The following THSD7B variants were observed in gnomAD, a reference collection of about 807,000 sequenced individuals.
The protein encoded by THSD7B is thrombospondin type-1 domain-containing protein 7B.
A neutral mutation model predicts 213.6 loss-of-function variants in THSD7B; 138 were observed. The observed-to-expected ratio is 0.65, with a 90% CI of 0.56 to 0.74. THSD7B has a LOEUF of 0.74. Among genes scored for constraint, THSD7B ranks in the 30% least tolerant of loss-of-function variants. The pLI is 0.00. For missense variants in THSD7B, 1,931 were observed against 1,991.5 expected, an observed-to-expected ratio of 0.97 and a Z score of 0.58; for synonymous variants, 742 against 687.0, an observed-to-expected ratio of 1.08 and a Z score of -1.25.
At chr2:136,914,221 C>T (rs1302372550) in intron 2 of THSD7B, among the ~76,000 whole-genome samples, 1 of 152,158 alleles carries the variant, frequency 6.6e-6, no homozygotes, top group African/African-American at 2.4e-5. Flanking sequence ...TTTGTTTTGG[C>T]CAATTTCTCC....
chr2:137,561,342 C>T (rs1444261399), intron 15 of THSD7B, among the ~76,000 whole-genome samples: 4 of 152,102 alleles, frequency 2.6e-5, no homozygotes, highest in Admixed American at 6.5e-5. Flanking sequence ...AATCTAAGTT[C>T]TACTTAGTAT....
intron 1 of THSD7B, among the ~76,000 whole-genome samples, chr2:136,873,050 A>AAAT (rs1683465766): frequency 7.5e-6 from 1 of 133,642 alleles, no homozygotes. Flanking sequence ...AAAAAAGAAG[A>AAAT]AAGGGAGAAT....
At chr2:137,090,704 A>T (rs2104914306) in intron 3 of THSD7B, among the ~76,000 whole-genome samples, 1 of 152,334 alleles carries the variant, frequency 6.6e-6, no homozygotes, top group Non-Finnish European at 1.5e-5. Context: ...CATTAAGAAG[A>T]TACATGATTT....
intron 1 of THSD7B, among the ~76,000 whole-genome samples, chr2:136,878,371 T>A (rs868800615): frequency 1.3e-5 from 2 of 152,220 alleles, no homozygotes; most frequent in African/African-American, 4.8e-5. Flanking sequence ...AGTGCCACAA[T>A]AAACATACGT....
intron 12 of THSD7B, among the ~76,000 whole-genome samples, chr2:137,297,906 G>C (rs971495294): frequency 6.6e-6 from 1 of 152,084 alleles, no homozygotes; most frequent in Non-Finnish European, 1.5e-5. Flanking sequence ...GCCCAGTCTT[G>C]GATATGTCTT....
At chr2:136,833,697 C>T (rs937666827) in intron 1 of THSD7B, among the ~76,000 whole-genome samples, 1 of 152,008 alleles carries the variant, frequency 6.6e-6, no homozygotes, top group African/African-American at 2.4e-5. Context: ...TTCACTCAGG[C>T]AAAGTGCAAA....
chr2:137,315,240 G>A (rs1231362493), intron 12 of THSD7B, among the ~76,000 whole-genome samples: 11 of 152,184 alleles, frequency 7.2e-5, no homozygotes, highest in African/African-American at 1.4e-4. Flanking sequence ...TCAGAAAAGC[G>A]CAGTATTCGG....
At chr2:137,464,655 A>G (rs1687956568) in intron 15 of THSD7B, among the ~76,000 whole-genome samples, 1 of 152,068 alleles carries the variant, frequency 6.6e-6, no homozygotes, top group Non-Finnish European at 1.5e-5. Flanking sequence ...AGAAATACAG[A>G]TTCCAGTAGT....
intron 2 of THSD7B, 41 bp downstream of exon 2, chr2:136,882,358 A>G: frequency 7.0e-7 from 1 of 1,434,178 alleles, no homozygotes; most frequent in South Asian, 1.5e-5. Flanking sequence ...ATTTTCATTA[A>G]CAGGAAGAAT....
chr2:136,802,639 T>TTATATATATATATATATATATA, intron 1 of THSD7B, among the ~76,000 whole-genome samples: 1 of 57,382 alleles, frequency 1.7e-5, no homozygotes, highest in South Asian at 6.2e-4. Context: ...TGAATTAAGT[T>TTATATATATATATATATATATA]TATATATATA....
intron 17 of THSD7B, among the ~76,000 whole-genome samples, chr2:137,610,761 A>T: frequency 6.7e-6 from 1 of 150,026 alleles, no homozygotes; most frequent in South Asian, 2.1e-4. Flanking sequence ...TAAGAATCAC[A>T]TTTTTTTTTG....
At chr2:136,804,399 A>T (rs1682246627) in intron 1 of THSD7B, among the ~76,000 whole-genome samples, 1 of 102,454 alleles carries the variant, frequency 9.8e-6, no homozygotes, top group South Asian at 3.9e-4. Context: ...ATACACACAC[A>T]CATAACACAC....
chr2:137,627,063 A>G (rs1682645338), intron 20 of THSD7B, among the ~76,000 whole-genome samples: 2 of 152,194 alleles, frequency 1.3e-5, no homozygotes, highest in South Asian at 4.1e-4. Context: ...GCTTCAACTC[A>G]TGACAGAAAG....
intron 1 of THSD7B, among the ~76,000 whole-genome samples, chr2:136,841,361 T>A (rs1341198488): frequency 6.6e-6 from 1 of 151,916 alleles, no homozygotes; most frequent in Non-Finnish European, 1.5e-5. Context: ...TTTGGGAGGC[T>A]GAGGCAGGCG....
chr2:137,383,147 T>C (rs527896078), intron 12 of THSD7B, among the ~76,000 whole-genome samples: 1 of 152,312 alleles, frequency 6.6e-6, no homozygotes, highest in South Asian at 2.1e-4. Context: ...CCAAGCCATG[T>C]GACAAGACCT....
chr2:137,060,541 A>G (rs184801406), intron 3 of THSD7B, among the ~76,000 whole-genome samples: 13 of 151,946 alleles, frequency 8.6e-5, no homozygotes, highest in African/African-American at 2.4e-4. Flanking sequence ...GGTGAAAGGT[A>G]TAGGGTCTAT....
intron 1 of THSD7B, among the ~76,000 whole-genome samples, chr2:136,782,190 G>A (rs60212828): frequency 0.039 from 5,938 of 152,270 alleles, 230 homozygotes; most frequent in East Asian, 0.21. Context: ...GAGTTGCGAC[G>A]TGGTAGAAAG....
intron 2 of THSD7B, among the ~76,000 whole-genome samples, chr2:136,906,936 GTTTTTTTTTT>G (rs57887270): frequency 7.3e-5 from 4 of 55,096 alleles, no homozygotes; most frequent in African/African-American, 1.8e-4. Flanking sequence ...ACATTTCAAG[GTTTTTTTTTT>G]TTTTTTTTTT....
Position 137,677,589 on chromosome 2 carries a change from A to C in THSD7B, c.*984A>C, listed in dbSNP as rs1336117290. On this transcript the variant is annotated 3_prime_UTR_variant, in exon 28 of 28. Transcript: ENST00000409968. ...TTATAAGGTTTCAATAATATCTAAAACAACACATTAAAAAGCTGAGACCAT... is the reference window on the plus strand; with the variant it reads ...TTATAAGGTTTCAATAATATCTAAACCAACACATTAAAAAGCTGAGACCAT... 2.0e-5 allele frequency: 3 copies of C among 152,640 alleles called. No individual in the cohort carries two copies. The highest frequency in any genetic ancestry group is 4.4e-5 in the Non-Finnish European group (3 of 68,040). 9.5% of individuals were successfully genotyped at this position (152,640 alleles called of 1,614,324 possible). A position where few individuals can be genotyped will look rare whatever the true frequency, so the allele number is the denominator to read the frequency against.
Sources: gnomAD v4.1 joint callset for allele counts (sites outside exome capture counted in the v4.1 genomes callset) on GRCh38, gnomAD v4.1.1 for gene constraint, MANE v1.5 for transcripts, NCBI Gene and HGNC (gene_info 2026-07-23, HGNC 2026-07-21) for gene names.